The following CPA4 variants were observed in gnomAD, a reference collection of about 807,000 sequenced individuals.
CPA4 encodes the protein carboxypeptidase A3.
A neutral mutation model predicts 54.7 loss-of-function variants in CPA4; 49 were observed. The observed-to-expected ratio is 0.90, with a 90% CI of 0.71 to 1.14. The LOEUF (loss-of-function observed/expected upper bound fraction) is 1.14, where lower values mean the gene tolerates loss of function less well. Ranked by LOEUF, CPA4 falls within the 50% of genes most tolerant of loss-of-function variation. The probability of loss-of-function intolerance (pLI) is 0.00; values close to 1 mark genes in which losing one functional copy is unlikely to be tolerated. For synonymous variants in CPA4, 215 were observed against 206.8 expected (o/e 1.04, Z -0.34); for missense variants, 487 against 525.1 (o/e 0.93, Z 0.71).
At chr7:130,296,126 G>C (rs899239797) in intron 1 of CPA4, among the ~76,000 whole-genome samples, 1 of 152,170 alleles carries the variant, frequency 6.6e-6, no homozygotes, top group African/African-American at 2.4e-5. Context: ...GGGACTAGAT[G>C]GGCCTGACAG....
At chr7:130,308,473 G>A (rs1217600293) in intron 8 of CPA4, 76 bp downstream of exon 8, 9 of 1,194,898 alleles carry the variant, frequency 7.5e-6, no homozygotes, top group African/African-American at 6.0e-5. Context: ...TGAGCTGGCC[G>A]GGACGGAGCG....
At position 130,313,633 on chromosome 7, in the gene CPA4, A is replaced by G. The variant is rs879468468; in HGVS notation, c.1078+1511A>G. Among the ~76,000 whole-genome samples the G allele has an allele frequency of 2.0e-5, 3 of 151,588 alleles. No individual in the cohort carries two copies. In the Admixed American group the frequency reaches 2.0e-4, roughly 10 times the overall value. The stretch of plus-strand genomic sequence containing the variant: ...GGCCAATCTGCCTGCTCCCAATCCA[A>G]GTATAGAGGTTACACCTAAGGCCTC... On this transcript the variant is annotated intron_variant, in intron 10 of 10. Coordinates refer to ENST00000222482, the MANE Select transcript of CPA4 (RefSeq NM_016352.4).
intron 6 of CPA4, 122 bp downstream of exon 6, chr7:130,306,042 G>A (rs1793815749): frequency 4.0e-6 from 3 of 754,878 alleles, no homozygotes; most frequent in Non-Finnish European, 6.6e-6. Context: ...GTCGGCTGGG[G>A]GGCCTTTTCA....
At chr7:130,308,162 C>T (rs1793853784) in intron 7 of CPA4, 145 bp from the exon 8 acceptor site, 1 of 683,550 alleles carries the variant, frequency 1.5e-6, no homozygotes, top group Admixed American at 2.4e-5. Context: ...GGAGAGACAA[C>T]TGCTCAATGA....
Position 130,312,086 on chromosome 7 carries a change from A to T in CPA4, c.1042A>T (p.Thr348Ser). 6.2e-7 allele frequency: 1 copy of T among 1,614,122 alleles called. No homozygotes were observed. Among genetic ancestry groups the T allele is most frequent in the South Asian group, 1.1e-5 (1 of 91,078 alleles). The part of the protein sequence containing the change: ...AAKALASVSG[T>S]EYQVGPTCTT... ...CAAAGCTCTGGCTTCTGTGTCGGGC[A>T]CTGAGTACCAAGTGGGTCCCACCTG... is the stretch of plus-strand genomic sequence containing the variant. The change falls in exon 10 of 11, where the codon ACT becomes TCT. Residue 348 changes from threonine (T) to serine (S), a missense_variant. Physicochemically the swap from Thr to Ser is moderately conservative, Grantham distance 58. Coordinates refer to ENST00000222482, the MANE Select transcript of CPA4 (RefSeq NM_016352.4).
chr7:130,318,160 A>T (rs1794019609), intron 10 of CPA4, among the ~76,000 whole-genome samples: 1 of 152,136 alleles, frequency 6.6e-6, no homozygotes, highest in Admixed American at 6.5e-5. Flanking sequence ...GGGGCCAAAG[A>T]CAGTTAAAAG....
intron 4 of CPA4, among the ~76,000 whole-genome samples, chr7:130,303,466 C>A (rs975591822): frequency 2.0e-5 from 3 of 151,992 alleles, no homozygotes; most frequent in African/African-American, 2.4e-5. Context: ...TTAATACAAC[C>A]ATTTCAATTG....
rs1357059447 is a variant in CPA4 at position 130,304,580 on chromosome 7, G to A, written c.486+1G>A. On this transcript the variant is annotated splice_donor_variant, in intron 5 of 10. Coordinates refer to ENST00000222482, the MANE Select transcript of CPA4 (RefSeq NM_016352.4). LOFTEE classifies it high-confidence loss of function. ...AAACCGGCCGATGTATGTACTGAAG[G>A]TGAGGCCACATGCACTTGGAAGGGT... 2 of 1,588,278 alleles carry A rather than the reference G, an allele frequency of 1.3e-6. No homozygotes were observed. The highest frequency in any genetic ancestry group is 1.3e-5 in the African/African-American group (1 of 74,482).
At chr7:130,298,636 T>C (rs1197472978) in intron 1 of CPA4, 110 bp from the exon 2 acceptor site, 2 of 680,368 alleles carry the variant, frequency 2.9e-6, no homozygotes, top group Admixed American at 2.4e-5. Context: ...CTAGACCATT[T>C]CCTTTCTTTT....
intron 10 of CPA4, among the ~76,000 whole-genome samples, chr7:130,322,129 G>A (rs1207723805): frequency 6.6e-6 from 1 of 152,196 alleles, no homozygotes; most frequent in Non-Finnish European, 1.5e-5. Flanking sequence ...TAATGTAGGA[G>A]GGAGCTGCAC....
chr7:130,303,775 C>A (rs1423206152), intron 4 of CPA4, among the ~76,000 whole-genome samples: 2 of 148,622 alleles, frequency 1.3e-5, no homozygotes, highest in African/African-American at 5.0e-5. Context: ...ACCACAGATA[C>A]ACGCCACCGC....
intron 4 of CPA4, among the ~76,000 whole-genome samples, chr7:130,302,476 G>A (rs1240951453): frequency 1.4e-5 from 2 of 146,874 alleles, no homozygotes; most frequent in Admixed American, 6.8e-5. Context: ...GTGACTGAGC[G>A]AGACTCTGTC....
intron 1 of CPA4, among the ~76,000 whole-genome samples, chr7:130,296,704 T>TTTTTTTTA (rs1793654253): frequency 2.6e-5 from 3 of 116,374 alleles, no homozygotes; most frequent in Non-Finnish European, 5.2e-5. Context: ...TTTTTTTTTT[T>TTTTTTTTA]GAGACAGGGT....
At chr7:130,313,976 A>G (rs1171809710) in intron 10 of CPA4, among the ~76,000 whole-genome samples, 1 of 152,218 alleles carries the variant, frequency 6.6e-6, no homozygotes, top group Non-Finnish European at 1.5e-5. Flanking sequence ...GAGATATAGA[A>G]AGAATTATTT....
In CPA4 at chr7:130,298,824, GA is replaced by G; in HGVS notation, c.149del (p.Lys50SerfsTer31). On this transcript the variant is annotated frameshift_variant and splice_region_variant, in exon 2 of 11. Transcript: ENST00000222482. LOFTEE classifies it high-confidence loss of function. ...GTCAACTAGTGAATTCAAACAACTT[GA>G]AGGTACCTGGTTCTTTTTAGCTCTC... is the stretch of plus-strand genomic sequence containing the variant. Reference protein sequence around the residue: ...LSQLVNSNNLKLNFWKSPSSF... With the variant: ...LSQLVNSNNLXLNFWKSPSSF... The G allele has an allele frequency of 6.3e-7, 1 of 1,592,462 alleles. No individual in the cohort carries two copies. The highest frequency in any genetic ancestry group is 8.6e-7 in the Non-Finnish European group (1 of 1,160,236).
Position 130,310,614 on chromosome 7 carries a change from C to T in CPA4, c.794-173C>T, listed in dbSNP as rs1793895611. Among the ~76,000 whole-genome samples the T allele has an allele frequency of 6.6e-6, 1 of 152,230 alleles. No individual in the cohort carries two copies. Among genetic ancestry groups the T allele is most frequent in the Non-Finnish European group, 1.5e-5 (1 of 68,034 alleles). On this transcript the variant is annotated intron_variant, in intron 8 of 10. Transcript: ENST00000222482. This position sits in a 1 kb window ranked among gnomAD's most constrained non-coding sequence, Gnocchi z 4.3. ...TGTAGCAGACCCAACACCCAACCCT[C>T]CCTCTTCCATGCCTTCTCTGCAGTC...
At position 130,314,030 on chromosome 7, in the gene CPA4, C is replaced by A. The variant is rs554908754; in HGVS notation, c.1078+1908C>A. On this transcript the variant is annotated intron_variant, in intron 10 of 10. Transcript: ENST00000222482. ...CAGATGTTGCACTATTGATATCCAA[C>A]CATGGAAAAATGTGGGCACCAGGGA... 2.0e-5 allele frequency among the ~76,000 whole-genome samples: 3 copies of A among 152,222 alleles called. No individual in the cohort carries two copies. In the East Asian group the frequency reaches 5.8e-4, roughly 29 times the overall value.
chr7:130,315,075 T>G (rs953587147), intron 10 of CPA4, among the ~76,000 whole-genome samples: 1 of 151,588 alleles, frequency 6.6e-6, no homozygotes, highest in Non-Finnish European at 1.5e-5. Flanking sequence ...GTAGTAAGGA[T>G]GATCTGGTAA....
rs368665966 is a variant in CPA4, at chr7:130,305,844, C to T, written c.515C>T (p.Pro172Leu). The change falls in exon 6 of 11, where the codon CCG becomes CTG. Residue 172 changes from proline (P) to leucine (L), a missense_variant. Physicochemically the swap from Pro to Leu is moderately conservative, Grantham distance 98. Transcript: ENST00000222482. The part of the protein sequence containing the change: ...KFSTGKGVRR[P>L]AVWLNAGIHS... ...AGCACTGGGAAAGGCGTGAGGCGGC[C>T]GGCCGTTTGGCTGAATGCAGGCATC... 2.5e-5 allele frequency: 40 copies of T among 1,614,038 alleles called. No individual in the cohort carries two copies. The highest frequency in any genetic ancestry group is 6.7e-5 in the East Asian group (3 of 44,894).
Sources: gnomAD v4.1 joint callset for allele counts (sites outside exome capture counted in the v4.1 genomes callset) on GRCh38, gnomAD v4.1.1 for gene constraint, Gnocchi (gnomAD v3.1) non-coding constraint, MANE v1.5 for transcripts, NCBI Gene and HGNC (gene_info 2026-07-23, HGNC 2026-07-21) for gene names.